The following COG5 variants were observed in gnomAD, a reference collection of about 807,000 sequenced individuals.
The protein encoded by COG5 is conserved oligomeric Golgi complex subunit 5.
In COG5, 86 loss-of-function variants were observed where a neutral mutation model predicts 110.4. That is an observed-to-expected ratio of 0.78 (90% CI 0.65 to 0.93). COG5 has a LOEUF of 0.93. COG5 is among the 40% of genes least tolerant of loss of function. The pLI is 0.00. For synonymous variants in COG5, 360 were observed against 334.6 expected, an observed-to-expected ratio of 1.08 and a Z score of -0.83; for missense variants, 1,077 against 987.0, an observed-to-expected ratio of 1.09 and a Z score of -1.22.
intron 6 of COG5, among the ~76,000 whole-genome samples, chr7:107,485,046 A>C (rs1797576754): frequency 6.6e-6 from 1 of 152,204 alleles, no homozygotes; most frequent in South Asian, 2.1e-4. Flanking sequence ...ATTAAGAGAA[A>C]TGGAGCATGG....
rs140664069 is a variant in COG5 at position 107,225,877 on chromosome 7, T to C, written c.2168+4738A>G. Among the ~76,000 whole-genome samples the C allele has an allele frequency of 3.5e-3, 537 of 152,230 alleles. 5 individuals are homozygous for C. Among genetic ancestry groups the C allele is most frequent in the African/African-American group, 0.012 (519 of 41,540 alleles). On this transcript the variant is annotated intron_variant, in intron 19 of 21. Coordinates refer to ENST00000297135, the MANE Select transcript of COG5 (RefSeq NM_006348.5). Reference sequence around the variant, plus strand: ...GGCCAACGTGGTGAAACCCCGTCTCTACTAAAAATACAAAAATTTGCCGGG... The same window carrying C: ...GGCCAACGTGGTGAAACCCCGTCTCCACTAAAAATACAAAAATTTGCCGGG...
intron 13 of COG5, among the ~76,000 whole-genome samples, chr7:107,281,706 A>G (rs1805182873): frequency 6.6e-6 from 1 of 152,196 alleles, no homozygotes; most frequent in Admixed American, 6.5e-5. Context: ...TAATACTGAT[A>G]AAGTGCAAGC....
intron 19 of COG5, among the ~76,000 whole-genome samples, chr7:107,214,656 T>C (rs747530290): frequency 6.6e-6 from 1 of 152,148 alleles, no homozygotes; most frequent in Non-Finnish European, 1.5e-5. Flanking sequence ...GCACAGTGAC[T>C]CATGCCTATA....
rs1792768419 is a variant in COG5, at chr7:107,415,912, A to ATATACACACACATACACGTATGTATATG, written c.539-3281_539-3280insCATATACATACGTGTATGTGTGTGTATA. On this transcript the variant is annotated intron_variant, in intron 6 of 21. Coordinates refer to ENST00000297135, the MANE Select transcript of COG5 (RefSeq NM_006348.5). ...TACACACACATACACGTATGTATGT[A>ATATACACACACATACACGTATGTATATG]TGTGTGTGTATATACACACACATAC... 6.3e-5 allele frequency among the ~76,000 whole-genome samples: 5 copies of ATATACACACACATACACGTATGTATATG among 79,148 alleles called. 1 individual carries two copies. The highest frequency in any genetic ancestry group is 2.2e-4 in the Admixed American group (2 of 9,204). The allele number at this position is 79,148 out of a possible 152,430, so 51.9% of individuals were successfully genotyped here.
At chr7:107,512,538 A>G (rs1431889108) in intron 6 of COG5, among the ~76,000 whole-genome samples, 6 of 152,168 alleles carry the variant, frequency 3.9e-5, no homozygotes, top group Non-Finnish European at 8.8e-5. Context: ...CAGAATTGGA[A>G]AAAACTACTT....
chr7:107,478,161 C>A (rs1797102779), intron 6 of COG5, among the ~76,000 whole-genome samples: 1 of 151,800 alleles, frequency 6.6e-6, no homozygotes, highest in African/African-American at 2.4e-5. Flanking sequence ...TAAATACCAA[C>A]CAAAGATGAG....
At chr7:107,296,277 T>C (rs1345540428) in intron 12 of COG5, among the ~76,000 whole-genome samples, 1 of 152,140 alleles carries the variant, frequency 6.6e-6, no homozygotes, top group African/African-American at 2.4e-5. Context: ...TTCCACCTCC[T>C]GGAAATAACT....
chr7:107,542,069 C>T (rs1037914300), intron 5 of COG5, among the ~76,000 whole-genome samples: 12 of 151,940 alleles, frequency 7.9e-5, no homozygotes, highest in African/African-American at 2.2e-4. Flanking sequence ...CAAAACAATA[C>T]GTGCTTTTGA....
At chr7:107,451,743 T>C (rs1054861695) in intron 6 of COG5, among the ~76,000 whole-genome samples, 2 of 152,222 alleles carry the variant, frequency 1.3e-5, no homozygotes, top group South Asian at 2.1e-4. Flanking sequence ...TTTCTTATCA[T>C]TTTCTTAATA....
intron 10 of COG5, among the ~76,000 whole-genome samples, chr7:107,355,790 T>C (rs1215918102): frequency 2.0e-5 from 3 of 152,182 alleles, no homozygotes; most frequent in African/African-American, 4.8e-5. Flanking sequence ...TAGGAATGAA[T>C]AGGTAGAAAG....
intron 6 of COG5, among the ~76,000 whole-genome samples, chr7:107,511,668 C>T (rs983799623): frequency 1.3e-5 from 2 of 152,188 alleles, no homozygotes; most frequent in African/African-American, 2.4e-5. Context: ...CAAACCGAAT[C>T]CAGCAGCACA....
chr7:107,554,130 G>A (rs1803121995), intron 3 of COG5, among the ~76,000 whole-genome samples, 155 bp downstream of exon 3: 1 of 152,132 alleles, frequency 6.6e-6, no homozygotes, highest in Admixed American at 6.5e-5. Context: ...CATATTATCT[G>A]CCTACTTTCA....
intron 10 of COG5, among the ~76,000 whole-genome samples, chr7:107,345,394 G>A (rs1171846434): frequency 1.3e-5 from 2 of 152,072 alleles, no homozygotes; most frequent in Non-Finnish European, 2.9e-5. Flanking sequence ...CCTTAAATTT[G>A]TAAAAAATAA....
chr7:107,468,614 C>T (rs565737398), intron 6 of COG5, among the ~76,000 whole-genome samples: 24 of 152,202 alleles, frequency 1.6e-4, no homozygotes, highest in African/African-American at 5.3e-4. Flanking sequence ...AATTTTCCAC[C>T]ATATTACTCT....
chr7:107,331,814 C>G (rs919897538), intron 10 of COG5, among the ~76,000 whole-genome samples: 4 of 150,830 alleles, frequency 2.7e-5, no homozygotes, highest in African/African-American at 9.7e-5. Context: ...TGTGGGGCAT[C>G]CAAGTGGAGA....
intron 6 of COG5, among the ~76,000 whole-genome samples, chr7:107,441,792 TCTC>T (rs1563037339): frequency 7.9e-5 from 12 of 152,184 alleles, no homozygotes. Context: ...TGCTCAAAAA[TCTC>T]CTCCACTGCT....
At chr7:107,230,499 C>T in intron 19 of COG5, 116 bp downstream of exon 19, 2 of 787,458 alleles carry the variant, frequency 2.5e-6, no homozygotes, top group East Asian at 2.5e-5. Context: ...CATGAAATTG[C>T]CATTGTTGTA....
intron 5 of COG5, among the ~76,000 whole-genome samples, chr7:107,531,900 G>A (rs918335793): frequency 6.6e-6 from 1 of 152,090 alleles, no homozygotes; most frequent in Non-Finnish European, 1.5e-5. Context: ...ATTCAAGTCA[G>A]TTCCTGAGTT....
At chr7:107,368,968 G>A (rs761605132) in intron 8 of COG5, among the ~76,000 whole-genome samples, 1 of 152,160 alleles carries the variant, frequency 6.6e-6, no homozygotes, top group African/African-American at 2.4e-5. Context: ...ATCGGGTTTT[G>A]TAGTTTGTTT....
Sources: allele counts gnomAD v4.1 joint callset (sites outside exome capture counted in the v4.1 genomes callset), GRCh38; gene constraint gnomAD v4.1.1; transcripts MANE v1.5; gene names NCBI Gene and HGNC (gene_info 2026-07-23, HGNC 2026-07-21).